Variants in PLCL2 observed in about 807,000 individuals in gnomAD.
PLCL2 encodes the protein inactive phospholipase C-like protein 2.
In PLCL2, 4 loss-of-function variants were observed where a neutral mutation model predicts 79.6. That is an observed-to-expected ratio of 0.05 (90% CI 0.02 to 0.11). The LOEUF (loss-of-function observed/expected upper bound fraction) is 0.11, where lower values mean the gene tolerates loss of function less well. PLCL2 is among the 10% of genes least tolerant of loss of function. The pLI, the probability that PLCL2 is intolerant of heterozygous loss-of-function variation, is 1.00. For missense variants in PLCL2, 895 were observed against 1,291.0 expected (o/e 0.69, Z 4.70); for synonymous variants, 484 against 457.7 (o/e 1.06, Z -0.73).
At chr3:16,962,149 A>G (rs1187025201) in intron 1 of PLCL2, among the ~76,000 whole-genome samples, 2 of 152,248 alleles carry the variant, frequency 1.3e-5, no homozygotes, top group African/African-American at 4.8e-5. Flanking sequence ...TTATGGCAGT[A>G]CATATGTAAG....
intron 1 of PLCL2, among the ~76,000 whole-genome samples, chr3:16,927,008 T>C (rs1260513580): frequency 6.6e-6 from 1 of 152,228 alleles, no homozygotes; most frequent in Non-Finnish European, 1.5e-5. Flanking sequence ...TTGCTAGTTA[T>C]TCATTTTGTC....
At chr3:17,041,662 G>A (rs1380163136) in intron 3 of PLCL2, among the ~76,000 whole-genome samples, 1 of 152,142 alleles carries the variant, frequency 6.6e-6, no homozygotes, top group Non-Finnish European at 1.5e-5. Context: ...AAATAAGGCA[G>A]GCCAGGTGCG....
chr3:16,916,341 T>C (rs1249011629), intron 1 of PLCL2, among the ~76,000 whole-genome samples: 4 of 152,214 alleles, frequency 2.6e-5, no homozygotes, highest in Non-Finnish European at 5.9e-5. Flanking sequence ...CTGAGGCAGA[T>C]GGGTTTCTGT....
Position 17,069,660 on chromosome 3 carries a change from C to T in PLCL2, c.3204+1595C>T, listed in dbSNP as rs541889930. On this transcript the variant is annotated intron_variant, in intron 5 of 5. Coordinates refer to ENST00000615277, the MANE Select transcript of PLCL2 (RefSeq NM_001144382.2). ...AGCTGCCTTTTTAAATTTCCTCATT[C>T]CCCCTGAAGTTAAAAGCTCCATCCT... is the stretch of plus-strand genomic sequence containing the variant. Among the ~76,000 whole-genome samples, 270 of 152,272 alleles carry T rather than the reference C, an allele frequency of 1.8e-3. 3 individuals carry two copies. The highest frequency in any genetic ancestry group is 3.2e-3 in the Non-Finnish European group (218 of 68,014).
intron 1 of PLCL2, among the ~76,000 whole-genome samples, chr3:16,918,294 A>G (rs1284643727): frequency 6.6e-6 from 1 of 152,154 alleles, no homozygotes; most frequent in African/African-American, 2.4e-5. Context: ...TTTATATGAA[A>G]ATCTCATTTT....
At position 17,025,935 on chromosome 3, in the gene PLCL2, G is replaced by A. The variant is rs1197502071; in HGVS notation, c.3018+11024G>A. On this transcript the variant is annotated intron_variant, in intron 3 of 5. Coordinates refer to ENST00000615277, the MANE Select transcript of PLCL2 (RefSeq NM_001144382.2). ...CACCCTCACCAAACCTCTCAGAGCA[G>A]CGCACGTGTCTGGAGGGTGAGTCCC... 1.3e-5 allele frequency among the ~76,000 whole-genome samples: 2 copies of A among 152,164 alleles called. 1 individual carries two copies. Among genetic ancestry groups the A allele is most frequent in the East Asian group, 3.8e-4 (2 of 5,200 alleles).
At chr3:17,004,469 T>C (rs1421284215) in intron 1 of PLCL2, among the ~76,000 whole-genome samples, 3 of 152,154 alleles carry the variant, frequency 2.0e-5, no homozygotes, top group African/African-American at 7.2e-5. Context: ...ATAAAGGGCC[T>C]TTCCACATGA....
At chr3:16,974,803 G>C (rs1485645239) in intron 1 of PLCL2, among the ~76,000 whole-genome samples, 1 of 152,214 alleles carries the variant, frequency 6.6e-6, no homozygotes. Flanking sequence ...GTAGCACTAA[G>C]ATTTAGTACC....
intron 4 of PLCL2, among the ~76,000 whole-genome samples, chr3:17,044,606 C>T (rs575557123): frequency 6.6e-6 from 1 of 152,038 alleles, no homozygotes; most frequent in Non-Finnish European, 1.5e-5. Context: ...TGTATCTTAC[C>T]CATGACATCT....
intron 1 of PLCL2, among the ~76,000 whole-genome samples, chr3:16,910,716 A>G (rs754537428): frequency 4.0e-5 from 6 of 151,738 alleles, no homozygotes; most frequent in South Asian, 4.2e-4. Context: ...TTTTTCCACT[A>G]TATCCTACTA....
At chr3:17,017,539 C>T (rs1346044275) in intron 3 of PLCL2, among the ~76,000 whole-genome samples, 3 of 152,040 alleles carry the variant, frequency 2.0e-5, no homozygotes, top group Non-Finnish European at 4.4e-5. Context: ...TCGGACAGCC[C>T]GTAACTCTAA....
In PLCL2 at chr3:16,957,703, C is replaced by T. The variant is rs149701872; in HGVS notation, c.328-51971C>T. On this transcript the variant is annotated intron_variant, in intron 1 of 5. Transcript: ENST00000615277. ...GTCACTGAGGACTTGCTTTATGAAT[C>T]TGGGTGCTCCTGTATTGGGGGCATA... 4.0e-3 allele frequency among the ~76,000 whole-genome samples: 609 copies of T among 152,268 alleles called. 1 individual carries two copies. Among genetic ancestry groups the T allele is most frequent in the African/African-American group, 0.013 (555 of 41,556 alleles).
At chr3:17,070,246 G>A (rs1049767741) in intron 5 of PLCL2, among the ~76,000 whole-genome samples, 3 of 152,162 alleles carry the variant, frequency 2.0e-5, no homozygotes, top group Non-Finnish European at 4.4e-5. Context: ...ATCCCCAGGT[G>A]ATTCTTAGGC....
chr3:16,937,708 A>G (rs1697573691), intron 1 of PLCL2, among the ~76,000 whole-genome samples: 1 of 152,226 alleles, frequency 6.6e-6, no homozygotes, highest in African/African-American at 2.4e-5. Context: ...ACTCCAAGTT[A>G]TACACTTGAC....
intron 4 of PLCL2, among the ~76,000 whole-genome samples, chr3:17,062,904 G>A (rs924446032): frequency 5.9e-5 from 9 of 151,990 alleles, no homozygotes; most frequent in South Asian, 2.1e-4. Context: ...AAGCAGCGGC[G>A]GCAGCAGCAA....
At position 17,011,223 on chromosome 3, in the gene PLCL2, A is replaced by G. The variant is rs748239322; in HGVS notation, c.1877A>G (p.Lys626Arg). 5.0e-6 allele frequency: 8 copies of G among 1,614,174 alleles called. No individual in the cohort carries two copies. Among genetic ancestry groups the G allele is most frequent in the Admixed American group, 1.7e-5 (1 of 60,022 alleles). The change falls in exon 2 of 6, where the codon AAA (lysine) becomes AGA (arginine). Residue 626 changes from lysine to arginine, a missense_variant. Physicochemically the swap from Lys to Arg is conservative, Grantham distance 26. Around this residue, in one of 6 missense-constraint regions of PLCL2, gnomAD observed 242 missense variants for 399.5 expected, o/e 0.61. Coordinates refer to ENST00000615277, the MANE Select transcript of PLCL2 (RefSeq NM_001144382.2). The surrounding 1 kb of genome is among the most constrained non-coding windows in gnomAD (Gnocchi z 7.9). ...CTGTCTGAACTGGTCAGCATCTGCA[A>G]ATCAGTTCAGTTCAAAGAATTTCAG... ...KELSELVSIC[K>R]SVQFKEFQVS...
chr3:17,014,592 T>C, intron 2 of PLCL2, 116 bp from the exon 3 acceptor site: 1 of 791,068 alleles, frequency 1.3e-6, no homozygotes, highest in South Asian at 1.6e-5. Flanking sequence ...GTTATAACAC[T>C]GTTAATAACT....
intron 1 of PLCL2, among the ~76,000 whole-genome samples, chr3:16,963,098 T>C (rs2124971444): frequency 6.6e-6 from 1 of 152,248 alleles, no homozygotes; most frequent in Middle Eastern, 3.6e-3. Context: ...GAGATTATTT[T>C]ACATATTTAT....
rs1238313851 is a variant in PLCL2 at position 16,886,359 on chromosome 3, C to T, written c.327+993C>T. 6.6e-6 allele frequency among the ~76,000 whole-genome samples: 1 copy of T among 152,194 alleles called. No individual in the cohort carries two copies. Among genetic ancestry groups the T allele is most frequent in the African/African-American group, 2.4e-5 (1 of 41,444 alleles). ...GGGAGCAGCAAAGCAAATTGACAGG[C>T]TGCACCCACCCTTCCTGTGGCTGAT... On this transcript the variant is annotated intron_variant, in intron 1 of 5. Transcript: ENST00000615277. The surrounding 1 kb of genome is among the most constrained non-coding windows in gnomAD (Gnocchi z 4.2).
Sources: allele counts gnomAD v4.1 joint callset (sites outside exome capture counted in the v4.1 genomes callset), GRCh38; gene constraint gnomAD v4.1.1; regional missense constraint gnomAD v4.1.1; non-coding constraint Gnocchi (gnomAD v3.1); transcripts MANE v1.5; gene names NCBI Gene and HGNC (gene_info 2026-07-23, HGNC 2026-07-21).